Variants in GPR158 observed in about 807,000 individuals in gnomAD.
The protein encoded by GPR158 is G protein-coupled receptor 158, also known as metabotropic glycine receptor.
GPR158 carries 30 observed loss-of-function variants against 78.2 expected under a neutral mutation model. The ratio of observed to expected loss-of-function variants is 0.38; its 90% CI spans 0.29 to 0.52. GPR158 has a LOEUF of 0.52. GPR158 is among the 20% of genes least tolerant of loss of function. GPR158 has a pLI of 0.83. For synonymous variants in GPR158, 581 were observed against 591.1 expected (o/e 0.98, Z 0.25); for missense variants, 1,463 against 1,523.5 (o/e 0.96, Z 0.66).
chr10:25,218,363 C>A (rs901762685), intron 1 of GPR158, among the ~76,000 whole-genome samples: 1 of 152,082 alleles, frequency 6.6e-6, no homozygotes. Flanking sequence ...GAATGAAGGG[C>A]GAAAGCTTTC....
At chr10:25,515,114 AC>A (rs1195047526) in intron 5 of GPR158, among the ~76,000 whole-genome samples, 1 of 151,852 alleles carries the variant, frequency 6.6e-6, no homozygotes, top group Non-Finnish European at 1.5e-5. Context: ...TGTTTTCCAA[AC>A]TTTTCTTCCT....
chr10:25,451,867 A>G (rs2130601819), intron 4 of GPR158, among the ~76,000 whole-genome samples: 1 of 152,306 alleles, frequency 6.6e-6, no homozygotes, highest in East Asian at 1.9e-4. Context: ...ACATTTTGTT[A>G]GAGTGAGGAG....
chr10:25,307,845 A>G (rs1588789479), intron 2 of GPR158, among the ~76,000 whole-genome samples: 1 of 152,098 alleles, frequency 6.6e-6, no homozygotes, highest in Non-Finnish European at 1.5e-5. Flanking sequence ...AGTTTCTTGC[A>G]TTGTTCTAAA....
intron 4 of GPR158, among the ~76,000 whole-genome samples, chr10:25,429,066 A>G (rs1016676857): frequency 1.3e-5 from 2 of 152,076 alleles, no homozygotes; most frequent in African/African-American, 4.8e-5. Flanking sequence ...AATTATATTA[A>G]CATTCAGGGT....
intron 5 of GPR158, among the ~76,000 whole-genome samples, chr10:25,470,047 C>A (rs1835476913): frequency 6.6e-6 from 1 of 152,124 alleles, no homozygotes; most frequent in South Asian, 2.1e-4. Flanking sequence ...AGAGTAAAAG[C>A]CAACATCCTT....
chr10:25,558,245 A>G (rs896695619), intron 6 of GPR158, among the ~76,000 whole-genome samples: 4 of 152,218 alleles, frequency 2.6e-5, no homozygotes, highest in Middle Eastern at 3.2e-3. Flanking sequence ...GTGTGTTCCA[A>G]CCAACTTTAA....
intron 2 of GPR158, among the ~76,000 whole-genome samples, chr10:25,301,574 G>A (rs575785073): frequency 2.0e-5 from 3 of 152,156 alleles, no homozygotes; most frequent in South Asian, 2.1e-4. Flanking sequence ...TGTGTGTTGG[G>A]ATTGTGAGGA....
At chr10:25,596,537 GTATAGA>G in intron 9 of GPR158, 100 bp from the exon 10 acceptor site, 3 of 715,652 alleles carry the variant, frequency 4.2e-6, no homozygotes, top group South Asian at 1.6e-5. Context: ...ATAGATCTAG[GTATAGA>G]TATAGATACC....
chr10:25,516,533 GA>G (rs1836177008), intron 5 of GPR158, among the ~76,000 whole-genome samples: 1 of 137,746 alleles, frequency 7.3e-6, no homozygotes, highest in Non-Finnish European at 1.5e-5. Context: ...AATCCATCTT[GA>G]ATTGATTTTT....
chr10:25,361,013 T>G (rs1285112296), intron 2 of GPR158, among the ~76,000 whole-genome samples: 1 of 151,980 alleles, frequency 6.6e-6, no homozygotes, highest in Non-Finnish European at 1.5e-5. Context: ...TTCACATTGT[T>G]GTGAAACAGA....
chr10:25,514,324 C>T (rs1836131322), intron 5 of GPR158, among the ~76,000 whole-genome samples: 1 of 152,070 alleles, frequency 6.6e-6, no homozygotes, highest in Admixed American at 6.6e-5. Context: ...AGTAGTTACT[C>T]CTGCTCACTT....
chr10:25,432,406 G>T (rs1441853961), intron 4 of GPR158, among the ~76,000 whole-genome samples: 1 of 152,146 alleles, frequency 6.6e-6, no homozygotes, highest in Non-Finnish European at 1.5e-5. Flanking sequence ...AGAATTAAAA[G>T]TGCATGGTCG....
At chr10:25,271,542 C>A (rs1854119321) in intron 2 of GPR158, among the ~76,000 whole-genome samples, 1 of 152,226 alleles carries the variant, frequency 6.6e-6, no homozygotes, top group Non-Finnish European at 1.5e-5. Flanking sequence ...GACATACTCT[C>A]TTCCATTCAC....
chr10:25,233,239 C>T (rs529657631), intron 2 of GPR158, among the ~76,000 whole-genome samples: 9 of 152,300 alleles, frequency 5.9e-5, no homozygotes, highest in African/African-American at 1.7e-4. Flanking sequence ...AGGGCTGTCC[C>T]TCAGCAGTGC....
intron 2 of GPR158, among the ~76,000 whole-genome samples, chr10:25,312,251 A>G (rs1194508306): frequency 1.3e-5 from 2 of 151,772 alleles, no homozygotes; most frequent in African/African-American, 4.9e-5. Flanking sequence ...TCTTTTACCC[A>G]TACATGACTT....
At chr10:25,419,408 T>A (rs796505638) in intron 4 of GPR158, among the ~76,000 whole-genome samples, 18 of 152,344 alleles carry the variant, frequency 1.2e-4, no homozygotes, top group African/African-American at 4.1e-4. Context: ...TGATGGCCAT[T>A]TGAGTTGTTT....
chr10:25,532,337 AT>A (rs1422643675), intron 5 of GPR158, among the ~76,000 whole-genome samples: 2 of 152,250 alleles, frequency 1.3e-5, no homozygotes, highest in East Asian at 3.9e-4. Context: ...AGAGTGATGC[AT>A]TTTTTATGTG....
chr10:25,590,539 T>C (rs1375169450), intron 8 of GPR158, among the ~76,000 whole-genome samples: 1 of 152,202 alleles, frequency 6.6e-6, no homozygotes, highest in Non-Finnish European at 1.5e-5. Context: ...CCTTGACATA[T>C]TCCCCAGACT....
intron 2 of GPR158, among the ~76,000 whole-genome samples, chr10:25,307,527 G>C (rs1039751506): frequency 6.6e-6 from 1 of 151,920 alleles, no homozygotes; most frequent in Non-Finnish European, 1.5e-5. Flanking sequence ...GGGACTACAG[G>C]CATGTGCCAC....
Sources: allele counts gnomAD v4.1 joint callset (sites outside exome capture counted in the v4.1 genomes callset), GRCh38; gene constraint gnomAD v4.1.1; transcripts MANE v1.5; gene names NCBI Gene and HGNC (gene_info 2026-07-23, HGNC 2026-07-21).